The following PSMD14 variants were observed in gnomAD, a reference collection of about 807,000 sequenced individuals.
The protein encoded by PSMD14 is proteasome 26S subunit, non-ATPase 14, also known as ubiquitin C-terminal hydrolase PSMD14.
A neutral mutation model predicts 41.2 loss-of-function variants in PSMD14; 7 were observed. The observed-to-expected ratio is 0.17, with a 90% CI of 0.10 to 0.32. PSMD14 has a LOEUF of 0.32. Ranked by LOEUF, PSMD14 falls within the 10% of genes least tolerant of loss-of-function variation. The pLI, the probability that PSMD14 is intolerant of heterozygous loss-of-function variation, is 1.00. For synonymous variants in PSMD14, 114 were observed against 122.3 expected, an observed-to-expected ratio of 0.93 and a Z score of 0.45; for missense variants, 139 against 375.6, an observed-to-expected ratio of 0.37 and a Z score of 5.21.
At chr2:161,411,098 G>A (rs562364247) in intron 11 of PSMD14, among the ~76,000 whole-genome samples, 1 of 152,196 alleles carries the variant, frequency 6.6e-6, no homozygotes, top group East Asian at 1.9e-4. Context: ...CTTTCATTGT[G>A]TAATCTATTA....
chr2:161,390,933 T>C (rs1460211144), intron 8 of PSMD14, among the ~76,000 whole-genome samples, 171 bp from the exon 9 acceptor site: 1 of 152,210 alleles, frequency 6.6e-6, no homozygotes, highest in African/African-American at 2.4e-5. Context: ...AACCTTAGTT[T>C]TAAACTTGTA....
chr2:161,342,287 C>G (rs2105242667), intron 3 of PSMD14, among the ~76,000 whole-genome samples: 1 of 152,054 alleles, frequency 6.6e-6, no homozygotes, highest in Non-Finnish European at 1.5e-5. Context: ...TATAGATACT[C>G]TTTATCAGGT....
rs139418358 is a variant in PSMD14 at position 161,356,655 on chromosome 2, A to C, written c.49-10823A>C. ...TTTTCTTTTTTGTTATAAAGCATATATTTTAACAGACTTTTAAAAATAATT... is the reference window on the plus strand; with the variant it reads ...TTTTCTTTTTTGTTATAAAGCATATCTTTTAACAGACTTTTAAAAATAATT... On this transcript the variant is annotated intron_variant, in intron 3 of 11. Transcript: ENST00000409682. 7.1e-4 allele frequency among the ~76,000 whole-genome samples: 108 copies of C among 152,110 alleles called. No individual in the cohort carries two copies. In the East Asian group the frequency reaches 0.02, roughly 28 times the overall value.
At chr2:161,336,473 A>G (rs1335019951) in intron 3 of PSMD14, among the ~76,000 whole-genome samples, 1 of 152,182 alleles carries the variant, frequency 6.6e-6, no homozygotes, top group Non-Finnish European at 1.5e-5. Flanking sequence ...TTTCTTTAGT[A>G]TTTTCAGTGA....
At chr2:161,400,807 A>G (rs1334677822) in intron 10 of PSMD14, among the ~76,000 whole-genome samples, 1 of 152,128 alleles carries the variant, frequency 6.6e-6, no homozygotes, top group African/African-American at 2.4e-5. Flanking sequence ...TGGCTTCCCA[A>G]AGTGCTGGGA....
At chr2:161,402,504 G>A (rs959668306) in intron 10 of PSMD14, among the ~76,000 whole-genome samples, 1 of 151,990 alleles carries the variant, frequency 6.6e-6, no homozygotes, top group Non-Finnish European at 1.5e-5. Context: ...AGCTGGGTGT[G>A]GTGGCATGCA....
intron 6 of PSMD14, 103 bp downstream of exon 6, chr2:161,370,280 T>G: frequency 1.1e-6 from 1 of 904,064 alleles, no homozygotes; most frequent in East Asian, 2.8e-5. Flanking sequence ...GAAAAAGTGG[T>G]TATGTAATTG....
At chr2:161,338,627 G>A (rs1682902862) in intron 3 of PSMD14, among the ~76,000 whole-genome samples, 1 of 151,916 alleles carries the variant, frequency 6.6e-6, no homozygotes, top group Non-Finnish European at 1.5e-5. Flanking sequence ...GTATTTATAG[G>A]CCTTTTGTAT....
At chr2:161,312,359 G>C (rs1475412587) in intron 1 of PSMD14, among the ~76,000 whole-genome samples, 1 of 152,062 alleles carries the variant, frequency 6.6e-6, no homozygotes, top group Non-Finnish European at 1.5e-5. Context: ...GGCCAGGCTG[G>C]TCTTGAACCC....
intron 10 of PSMD14, among the ~76,000 whole-genome samples, chr2:161,406,260 C>G (rs2105273091): frequency 6.6e-6 from 1 of 152,152 alleles, no homozygotes; most frequent in East Asian, 1.9e-4. Context: ...CCAAGGATTT[C>G]TTAGAGCTGT....
At position 161,389,901 on chromosome 2, in the gene PSMD14, T is replaced by TTTTTTTTTTTTTG. The variant is rs1683689079; in HGVS notation, c.571-1192_571-1191insTGTTTTTTTTTTT. ...TTTCTTTTTTGTTGTTTTTTTTTTT[T>TTTTTTTTTTTTTG]TTTTTTTTTTTAGAGATGGGGTATT... On this transcript the variant is annotated intron_variant, in intron 8 of 11. Transcript: ENST00000409682. Among the ~76,000 whole-genome samples the TTTTTTTTTTTTTG allele has an allele frequency of 1.8e-5, 2 of 113,340 alleles. 1 individual carries two copies. The highest frequency in any genetic ancestry group is 6.6e-5 in the African/African-American group (2 of 30,514). 74.4% of individuals were successfully genotyped at this position (113,340 alleles called of 152,430 possible). A position where few individuals can be genotyped will look rare whatever the true frequency, so the allele number is the denominator to read the frequency against.
At chr2:161,321,418 A>G (rs1286373904) in intron 3 of PSMD14, among the ~76,000 whole-genome samples, 1 of 152,222 alleles carries the variant, frequency 6.6e-6, no homozygotes, top group Non-Finnish European at 1.5e-5. Context: ...GATGAACGAA[A>G]TGTCCAAGAC....
chr2:161,389,889 G>GTTTTTTTTTTTTTTTTT (rs1162637393), intron 8 of PSMD14, among the ~76,000 whole-genome samples: 8 of 20,048 alleles, frequency 4.0e-4, no homozygotes, highest in African/African-American at 7.6e-4. Context: ...CTTTTTTGTT[G>GTTTTTTTTTTTTTTTTT]TTTTTTTTTT....
At chr2:161,349,868 A>T (rs1683095194) in intron 3 of PSMD14, among the ~76,000 whole-genome samples, 1 of 152,202 alleles carries the variant, frequency 6.6e-6, no homozygotes, top group Admixed American at 6.5e-5. Context: ...GTATTTGTTG[A>T]TTAATGAATA....
chr2:161,399,785 C>T (rs915152828), intron 10 of PSMD14, among the ~76,000 whole-genome samples: 1 of 152,038 alleles, frequency 6.6e-6, no homozygotes. Flanking sequence ...GTAATTGATA[C>T]ATTTTTGGAG....
chr2:161,357,903 C>CTT lies in PSMD14; in HGVS notation c.49-9564_49-9563dup, dbSNP rs11412874. ...AATCTCCAATCAATGACTTCCTGTT[C>CTT]TTTTTTTTTTTTAATGGTGGTGAAA... On this transcript the variant is annotated intron_variant, in intron 3 of 11. Coordinates refer to ENST00000409682, the MANE Select transcript of PSMD14 (RefSeq NM_005805.6). Among the ~76,000 whole-genome samples, 102 of 146,200 alleles carry CTT rather than the reference C, an allele frequency of 7.0e-4. 1 individual carries two copies. Among genetic ancestry groups the CTT allele is most frequent in the South Asian group, 4.3e-3 (20 of 4,628 alleles).
intron 10 of PSMD14, among the ~76,000 whole-genome samples, chr2:161,401,338 C>T (rs781074742): frequency 6.6e-6 from 1 of 152,206 alleles, no homozygotes; most frequent in East Asian, 1.9e-4. Context: ...AAGTGACATA[C>T]AGATTTTCAC....
intron 10 of PSMD14, among the ~76,000 whole-genome samples, chr2:161,400,512 CA>C (rs1683861350): frequency 6.6e-6 from 1 of 152,016 alleles, no homozygotes; most frequent in Non-Finnish European, 1.5e-5. Context: ...AGATGTACAA[CA>C]ATTTGAAAAA....
chr2:161,387,670 T>C (rs781278792), intron 8 of PSMD14, among the ~76,000 whole-genome samples: 2 of 152,082 alleles, frequency 1.3e-5, no homozygotes, highest in Non-Finnish European at 2.9e-5. Context: ...GTGTATATTT[T>C]ATAGATGGTG....
Sources: allele counts gnomAD v4.1 joint callset (sites outside exome capture counted in the v4.1 genomes callset), GRCh38; gene constraint gnomAD v4.1.1; transcripts MANE v1.5; gene names NCBI Gene and HGNC (gene_info 2026-07-23, HGNC 2026-07-21).